Variants in KATNIP observed in about 807,000 individuals in gnomAD.
KATNIP encodes the protein katanin-interacting protein.
In KATNIP, 126 loss-of-function variants were observed where a neutral mutation model predicts 174.0. The observed-to-expected ratio is 0.72, with a 90% CI of 0.63 to 0.84. The LOEUF (loss-of-function observed/expected upper bound fraction) is 0.84, where lower values mean the gene tolerates loss of function less well. Among genes scored for constraint, KATNIP ranks in the 40% least tolerant of loss-of-function variants. The probability of loss-of-function intolerance (pLI) is 0.00; values close to 1 mark genes in which losing one functional copy is unlikely to be tolerated. For synonymous variants in KATNIP, 810 were observed against 835.7 expected, an observed-to-expected ratio of 0.97 and a Z score of 0.53; for missense variants, 1,958 against 2,109.7, an observed-to-expected ratio of 0.93 and a Z score of 1.41.
chr16:27,736,203 A>T (rs775519319), intron 14 of KATNIP, among the ~76,000 whole-genome samples: 2 of 152,062 alleles, frequency 1.3e-5, no homozygotes, highest in Non-Finnish European at 2.9e-5. Flanking sequence ...GGGTTTCATC[A>T]TGTTGGCCAG....
chr16:27,568,886 GC>G (rs2090183816), intron 1 of KATNIP, among the ~76,000 whole-genome samples: 1 of 152,110 alleles, frequency 6.6e-6, no homozygotes, highest in African/African-American at 2.4e-5. Flanking sequence ...CCAAGACTGA[GC>G]ATTTTACCAG....
At chr16:27,673,674 C>CA (rs1425399435) in intron 6 of KATNIP, among the ~76,000 whole-genome samples, 1 of 152,074 alleles carries the variant, frequency 6.6e-6, no homozygotes, top group Non-Finnish European at 1.5e-5. Context: ...CAGTTGTGAT[C>CA]AAAAAAATCT....
At chr16:27,734,022 G>A (rs1216667409) in intron 14 of KATNIP, among the ~76,000 whole-genome samples, 1 of 152,016 alleles carries the variant, frequency 6.6e-6, no homozygotes, top group Non-Finnish European at 1.5e-5. Flanking sequence ...AGTGGAGGTG[G>A]AGGTGGGGGC....
intron 13 of KATNIP, among the ~76,000 whole-genome samples, chr16:27,712,817 A>G (rs2079633903): frequency 1.3e-5 from 2 of 151,732 alleles, no homozygotes; most frequent in South Asian, 4.2e-4. Flanking sequence ...TATTATTATT[A>G]TTTTTAGAGA....
intron 18 of KATNIP, chr16:27,755,308 C>G (rs979572348): frequency 6.6e-6 from 1 of 152,360 alleles, no homozygotes; most frequent in African/African-American, 2.4e-5. Context: ...GCCACACCTT[C>G]CACCTAGGAT....
intron 5 of KATNIP, among the ~76,000 whole-genome samples, chr16:27,647,654 C>T (rs1047367035): frequency 2.0e-5 from 3 of 152,012 alleles, no homozygotes; most frequent in Non-Finnish European, 4.4e-5. Flanking sequence ...TACAGGCATG[C>T]GCCACCACAC....
At chr16:27,679,009 T>TA (rs1228461870) in intron 7 of KATNIP, 1 of 152,294 alleles carries the variant, frequency 6.6e-6, no homozygotes, top group African/African-American at 2.4e-5. Flanking sequence ...TGCACCTCTG[T>TA]ATCCTATTCA....
At chr16:27,630,983 A>T in intron 4 of KATNIP, 82 bp from the exon 5 acceptor site, 2 of 1,056,036 alleles carry the variant, frequency 1.9e-6, no homozygotes, top group Non-Finnish European at 2.9e-6. Context: ...TACGCATTTT[A>T]GACATGAGTT....
chr16:27,566,645 C>T (rs1234614791), intron 1 of KATNIP, among the ~76,000 whole-genome samples: 2 of 152,294 alleles, frequency 1.3e-5, no homozygotes, highest in South Asian at 2.1e-4. Context: ...GTGGGGCAAG[C>T]ACGCTGAGCA....
At chr16:27,561,170 CCTGT>C (rs1352445447) in intron 1 of KATNIP, among the ~76,000 whole-genome samples, 2 of 151,566 alleles carry the variant, frequency 1.3e-5, no homozygotes, top group East Asian at 1.9e-4. Flanking sequence ...CACCACCATG[CCTGT>C]CTAATTTTTG....
chr16:27,774,881 C>T, intron 23 of KATNIP, 64 bp from the exon 24 acceptor site: 1 of 1,602,650 alleles, frequency 6.2e-7, no homozygotes, highest in South Asian at 1.1e-5. Flanking sequence ...CGCCATCAGC[C>T]TGAGGGTGGC....
intron 6 of KATNIP, among the ~76,000 whole-genome samples, chr16:27,656,692 A>G (rs2077300049): frequency 6.7e-6 from 1 of 149,190 alleles, no homozygotes; most frequent in Admixed American, 6.8e-5. Context: ...CGCAAGAACA[A>G]AAAACCAAAC....
At chr16:27,723,445 G>T (rs74735755) in intron 14 of KATNIP, among the ~76,000 whole-genome samples, 1,734 of 151,254 alleles carry the variant, frequency 0.011, 42 homozygotes, top group African/African-American at 0.04. Flanking sequence ...AAACACAGAC[G>T]TCACTTTCTC....
At chr16:27,576,680 A>T (rs940321594) in intron 2 of KATNIP, among the ~76,000 whole-genome samples, 1 of 151,386 alleles carries the variant, frequency 6.6e-6, no homozygotes, top group Non-Finnish European at 1.5e-5. Flanking sequence ...AGCTGCCAGG[A>T]CTCTCGTCTG....
chr16:27,756,295 G>A (rs769088610), intron 18 of KATNIP, among the ~76,000 whole-genome samples: 1 of 152,184 alleles, frequency 6.6e-6, no homozygotes, highest in East Asian at 1.9e-4. Context: ...AATTACTTTC[G>A]AATAGCAGCA....
At chr16:27,557,507 G>T (rs188886097) in intron 1 of KATNIP, among the ~76,000 whole-genome samples, 1 of 149,970 alleles carries the variant, frequency 6.7e-6, no homozygotes, top group Non-Finnish European at 1.5e-5. Flanking sequence ...TAACTCACTG[G>T]TGCGTCCATC....
chr16:27,715,920 C>A (rs533648162), intron 13 of KATNIP, among the ~76,000 whole-genome samples: 92 of 151,886 alleles, frequency 6.1e-4, no homozygotes, highest in African/African-American at 2.2e-3. Context: ...TTACCCATGA[C>A]CTAGCAATTC....
chr16:27,769,349 G>A (rs1452100056), intron 20 of KATNIP, among the ~76,000 whole-genome samples: 2 of 152,228 alleles, frequency 1.3e-5, no homozygotes, highest in Non-Finnish European at 2.9e-5. Context: ...GGGTATTGAT[G>A]TGTGAGCCAG....
intron 13 of KATNIP, among the ~76,000 whole-genome samples, chr16:27,715,700 T>G (rs1289022525): frequency 6.6e-6 from 1 of 152,174 alleles, no homozygotes; most frequent in Non-Finnish European, 1.5e-5. Flanking sequence ...CTTAACATCA[T>G]AAGTTGTTAG....
Sources: allele counts gnomAD v4.1 joint callset (sites outside exome capture counted in the v4.1 genomes callset), GRCh38; gene constraint gnomAD v4.1.1; transcripts MANE v1.5; gene names NCBI Gene and HGNC (gene_info 2026-07-23, HGNC 2026-07-21).